The following DLGAP2 variants were observed in gnomAD, a reference collection of about 807,000 sequenced individuals.
The protein encoded by DLGAP2 is disks large-associated protein 2.
A neutral mutation model predicts 100.3 loss-of-function variants in DLGAP2; 26 were observed. That is an observed-to-expected ratio of 0.26 (90% CI 0.19 to 0.36). The LOEUF (loss-of-function observed/expected upper bound fraction) is 0.36. Among genes scored for constraint, DLGAP2 ranks in the 10% least tolerant of loss-of-function variants. The probability of loss-of-function intolerance (pLI) is 1.00; values close to 1 mark genes in which losing one functional copy is unlikely to be tolerated. For synonymous variants in DLGAP2, 886 were observed against 630.1 expected (o/e 1.41, Z -6.08); for missense variants, 1,858 against 1,453.2 (o/e 1.28, Z -4.53).
At chr8:1,308,426 C>A (rs913708821) in intron 3 of DLGAP2, among the ~76,000 whole-genome samples, 41 of 152,104 alleles carry the variant, frequency 2.7e-4, no homozygotes, top group African/African-American at 9.7e-4. Context: ...AGAGTCAGCC[C>A]CTTCTAATAT....
At chr8:1,356,071 T>C (rs974787804) in intron 3 of DLGAP2, among the ~76,000 whole-genome samples, 14 of 152,224 alleles carry the variant, frequency 9.2e-5, no homozygotes, top group Non-Finnish European at 2.1e-4. Context: ...GCCCTCACAC[T>C]ACGCCAGCCA....
intron 2 of DLGAP2, among the ~76,000 whole-genome samples, chr8:1,141,809 C>T (rs1356546120): frequency 6.6e-6 from 1 of 152,084 alleles, no homozygotes; most frequent in African/African-American, 2.4e-5. Flanking sequence ...AGGCTGAATA[C>T]TAATGATATT....
intron 2 of DLGAP2, among the ~76,000 whole-genome samples, chr8:914,893 C>G (rs1443912907): frequency 6.6e-6 from 1 of 152,076 alleles, no homozygotes; most frequent in Non-Finnish European, 1.5e-5. Context: ...GGAAATAGAC[C>G]TACAGTTACT....
At chr8:1,545,412 G>A (rs1001397881) in intron 4 of DLGAP2, among the ~76,000 whole-genome samples, 5 of 152,278 alleles carry the variant, frequency 3.3e-5, no homozygotes, top group Admixed American at 3.3e-4. Context: ...ATTCTATTCT[G>A]AATTTGGGGA....
At chr8:1,251,975 C>T (rs1194041141) in intron 2 of DLGAP2, among the ~76,000 whole-genome samples, 1 of 152,234 alleles carries the variant, frequency 6.6e-6, no homozygotes, top group Non-Finnish European at 1.5e-5. Flanking sequence ...TGTCATGTCA[C>T]ACTTGTCACA....
At chr8:1,557,258 G>A (rs936957140) in intron 5 of DLGAP2, among the ~76,000 whole-genome samples, 12 of 152,182 alleles carry the variant, frequency 7.9e-5, no homozygotes, top group Non-Finnish European at 1.6e-4. Flanking sequence ...CAGACGCGTG[G>A]AACCTTCTCA....
chr8:869,931 A>T (rs1797566281), intron 1 of DLGAP2, among the ~76,000 whole-genome samples: 1 of 152,056 alleles, frequency 6.6e-6, no homozygotes. Flanking sequence ...GGGAGTACAG[A>T]ATGAGGTTAT....
At chr8:857,406 A>T (rs1020938767) in intron 1 of DLGAP2, among the ~76,000 whole-genome samples, 1 of 152,228 alleles carries the variant, frequency 6.6e-6, no homozygotes, top group East Asian at 1.9e-4. Flanking sequence ...CAAAGTCCAG[A>T]CCGGGAGAAA....
chr8:1,454,010 A>T (rs1798236033), intron 3 of DLGAP2, among the ~76,000 whole-genome samples: 1 of 152,250 alleles, frequency 6.6e-6, no homozygotes, highest in Non-Finnish European at 1.5e-5. Context: ...CCTGCCAGGC[A>T]GTGGGATCCG....
chr8:1,332,858 G>A (rs910969394), intron 3 of DLGAP2, among the ~76,000 whole-genome samples: 7 of 152,190 alleles, frequency 4.6e-5, no homozygotes, highest in Non-Finnish European at 1.0e-4. Context: ...GCTTCTTGCT[G>A]GGTGCAGCAG....
At chr8:1,251,394 GT>G (rs1251657410) in intron 2 of DLGAP2, among the ~76,000 whole-genome samples, 1 of 152,188 alleles carries the variant, frequency 6.6e-6, no homozygotes, top group Non-Finnish European at 1.5e-5. Flanking sequence ...TAATGTTGGA[GT>G]TTTCCATTTG....
At chr8:1,087,740 C>T (rs1804022914) in intron 2 of DLGAP2, among the ~76,000 whole-genome samples, 1 of 152,188 alleles carries the variant, frequency 6.6e-6, no homozygotes, top group Non-Finnish European at 1.5e-5. Context: ...ACATTCTCAC[C>T]TTGATGATTG....
chr8:1,510,617 A>G (rs141280860), intron 4 of DLGAP2, among the ~76,000 whole-genome samples: 3 of 152,344 alleles, frequency 2.0e-5, no homozygotes, highest in Admixed American at 1.3e-4. Context: ...CACAGCAAAC[A>G]TGAAGGTCAC....
intron 3 of DLGAP2, among the ~76,000 whole-genome samples, chr8:1,345,340 C>T (rs1303064481): frequency 1.3e-5 from 2 of 150,290 alleles, no homozygotes; most frequent in Non-Finnish European, 3.0e-5. Context: ...CTTCGCCAAA[C>T]ACACTTGTTA....
chr8:1,251,424 G>A (rs1799037970), intron 2 of DLGAP2, among the ~76,000 whole-genome samples: 1 of 152,120 alleles, frequency 6.6e-6, no homozygotes, highest in South Asian at 2.1e-4. Flanking sequence ...AGATTCCATA[G>A]CATCCACAAA....
At chr8:910,336 A>C (rs1265843270) in intron 2 of DLGAP2, 2 of 152,260 alleles carry the variant, frequency 1.3e-5, no homozygotes, top group African/African-American at 4.8e-5. Context: ...GTGAAAGATA[A>C]ATATCCTATC....
intron 3 of DLGAP2, among the ~76,000 whole-genome samples, chr8:1,449,835 GACT>G (rs1798091761): frequency 8.5e-6 from 1 of 117,118 alleles, no homozygotes; most frequent in Non-Finnish European, 1.8e-5. Flanking sequence ...CGGTGGCTGT[GACT>G]GTAGCGGAGC....
chr8:758,465 G>T (rs1400511839), intron 1 of DLGAP2, among the ~76,000 whole-genome samples: 6 of 152,174 alleles, frequency 3.9e-5, no homozygotes, highest in Non-Finnish European at 7.3e-5. Flanking sequence ...AAATAGTTCA[G>T]TAGGAGCTAC....
intron 3 of DLGAP2, among the ~76,000 whole-genome samples, chr8:1,365,576 T>C (rs1802090412): frequency 6.6e-6 from 1 of 152,216 alleles, no homozygotes; most frequent in Admixed American, 6.5e-5. Flanking sequence ...GATAAAATAA[T>C]TCTTGCCACA....
Sources: gnomAD v4.1 joint callset for allele counts (sites outside exome capture counted in the v4.1 genomes callset) on GRCh38, gnomAD v4.1.1 for gene constraint, MANE v1.5 for transcripts, NCBI Gene and HGNC (gene_info 2026-07-23, HGNC 2026-07-21) for gene names.